SLC24A3: variants seen among roughly 807,000 people sequenced by gnomAD.
The protein encoded by SLC24A3 is solute carrier family 24 member 3.
A neutral mutation model predicts 75.8 loss-of-function variants in SLC24A3; 28 were observed. The ratio of observed to expected loss-of-function variants is 0.37; its 90% CI spans 0.27 to 0.51. SLC24A3 has a LOEUF of 0.51. SLC24A3 is among the 20% of genes least tolerant of loss of function. The pLI is 0.94. For missense variants in SLC24A3, 663 were observed against 847.8 expected, an observed-to-expected ratio of 0.78 and a Z score of 2.71; for synonymous variants, 372 against 334.1, an observed-to-expected ratio of 1.11 and a Z score of -1.24.
chr20:19,446,741 T>G (rs887322513), intron 2 of SLC24A3, among the ~76,000 whole-genome samples: 1 of 152,208 alleles, frequency 6.6e-6, no homozygotes, highest in African/African-American at 2.4e-5. Context: ...CTTCTCCAAA[T>G]TTAGAGTGAC....
At chr20:19,353,404 G>A (rs6514997) in intron 2 of SLC24A3, among the ~76,000 whole-genome samples, 17,192 of 152,040 alleles carry the variant, frequency 0.11, 2,610 homozygotes, top group African/African-American at 0.35. Flanking sequence ...AATAGTCTTG[G>A]GCCATTCAGT....
intron 2 of SLC24A3, among the ~76,000 whole-genome samples, chr20:19,291,269 C>G (rs1273871427): frequency 1.3e-5 from 2 of 152,176 alleles, no homozygotes; most frequent in Non-Finnish European, 2.9e-5. Context: ...GGCCTGGTCT[C>G]TCTCCCCAAA....
chr20:19,325,613 T>C (rs901164071), intron 2 of SLC24A3, among the ~76,000 whole-genome samples: 3 of 151,678 alleles, frequency 2.0e-5, no homozygotes, highest in Admixed American at 6.6e-5. Flanking sequence ...GGCCCTAGGA[T>C]GTCCAGGTTG....
At chr20:19,537,246 T>A (rs1291837515) in intron 3 of SLC24A3, among the ~76,000 whole-genome samples, 2 of 152,060 alleles carry the variant, frequency 1.3e-5, no homozygotes, top group African/African-American at 4.8e-5. Flanking sequence ...CAAAAGAAGA[T>A]ATTTATGCAG....
intron 6 of SLC24A3, among the ~76,000 whole-genome samples, chr20:19,648,963 C>G (rs11698840): frequency 0.048 from 7,264 of 152,294 alleles, 258 homozygotes; most frequent in African/African-American, 0.096. Flanking sequence ...CTTCTGTAAT[C>G]TGCACCATCT....
At chr20:19,553,002 C>T (rs561393644) in intron 3 of SLC24A3, among the ~76,000 whole-genome samples, 1 of 151,832 alleles carries the variant, frequency 6.6e-6, no homozygotes, top group East Asian at 1.9e-4. Context: ...GCCTTTCCCT[C>T]GTTCCCTCCA....
In SLC24A3 at chr20:19,488,998, G is replaced by A. The variant is rs1260992910; in HGVS notation, c.272-26490G>A. On this transcript the variant is annotated intron_variant, in intron 2 of 16. Transcript: ENST00000328041. The stretch of plus-strand genomic sequence containing the variant: ...GATGTTCAACCTGTAGATTATTTAA[G>A]TTGTATTTACTGAGATCAGTCACAG... Among the ~76,000 whole-genome samples, 7 of 152,194 alleles carry A rather than the reference G, an allele frequency of 4.6e-5. No individual in the cohort carries two copies. The East Asian group carries it at 5.8e-4, about 13-fold the overall frequency.
chr20:19,324,462 T>C (rs557328361), intron 2 of SLC24A3, among the ~76,000 whole-genome samples: 2 of 152,184 alleles, frequency 1.3e-5, no homozygotes, highest in Non-Finnish European at 2.9e-5. Flanking sequence ...GAGTGGGAAG[T>C]TCTGCTTTTA....
chr20:19,653,635 G>A (rs2032232340), intron 6 of SLC24A3, among the ~76,000 whole-genome samples: 1 of 152,156 alleles, frequency 6.6e-6, no homozygotes, highest in African/African-American at 2.4e-5. Flanking sequence ...TGTCAAGGCA[G>A]GCCCGTTCCT....
intron 6 of SLC24A3, among the ~76,000 whole-genome samples, chr20:19,636,106 C>T (rs1227401816): frequency 1.3e-5 from 2 of 152,092 alleles, no homozygotes; most frequent in East Asian, 3.9e-4. Context: ...TGCCACTGCA[C>T]TTCAGCCTGG....
chr20:19,508,090 G>A (rs1988485978), intron 2 of SLC24A3, among the ~76,000 whole-genome samples: 1 of 152,200 alleles, frequency 6.6e-6, no homozygotes, highest in South Asian at 2.1e-4. Flanking sequence ...CAGAAAGAGA[G>A]GCAGGGAAGG....
chr20:19,370,954 G>A (rs1275530790), intron 2 of SLC24A3, among the ~76,000 whole-genome samples: 1 of 152,182 alleles, frequency 6.6e-6, no homozygotes, highest in East Asian at 1.9e-4. Flanking sequence ...ATTGGAAGAT[G>A]ATGAAATGGA....
intron 2 of SLC24A3, among the ~76,000 whole-genome samples, chr20:19,321,058 T>A (rs1984696064): frequency 6.6e-6 from 1 of 151,994 alleles, no homozygotes; most frequent in African/African-American, 2.4e-5. Context: ...GAATTTGGAA[T>A]CCACAGATAT....
In SLC24A3 at chr20:19,528,890, T is replaced by C. The variant is rs114638346; in HGVS notation, c.348+13326T>C. Among the ~76,000 whole-genome samples, 501 of 152,300 alleles carry C rather than the reference T, an allele frequency of 3.3e-3. 1 individual carries two copies. The highest frequency in any genetic ancestry group is 0.011 in the African/African-American group (473 of 41,570). Reference sequence around the variant, plus strand: ...TGATTGTGGGCCTCTCATTCTCTCCTGGACCCAAGCCCAAATTCATTGGAT... The same window carrying C: ...TGATTGTGGGCCTCTCATTCTCTCCCGGACCCAAGCCCAAATTCATTGGAT... On this transcript the variant is annotated intron_variant, in intron 3 of 16. Coordinates refer to ENST00000328041, the MANE Select transcript of SLC24A3 (RefSeq NM_020689.4).
chr20:19,455,038 G>A (rs1205801926), intron 2 of SLC24A3, among the ~76,000 whole-genome samples: 1 of 152,024 alleles, frequency 6.6e-6, no homozygotes, highest in Non-Finnish European at 1.5e-5. Context: ...TTATCAGCAA[G>A]GCAGACTTTT....
At chr20:19,234,475 T>C (rs1270612670) in intron 1 of SLC24A3, among the ~76,000 whole-genome samples, 1 of 152,224 alleles carries the variant, frequency 6.6e-6, no homozygotes, top group Admixed American at 6.5e-5. Flanking sequence ...AATGCCAAGA[T>C]TGAGACCCTT....
chr20:19,585,152 A>T, intron 5 of SLC24A3, 97 bp downstream of exon 5: 1 of 1,087,976 alleles, frequency 9.2e-7, no homozygotes, highest in Non-Finnish European at 1.3e-6. Flanking sequence ...TCTGCCACTC[A>T]TAGAAAATGA....
intron 12 of SLC24A3, among the ~76,000 whole-genome samples, chr20:19,689,633 C>G (rs1237254283): frequency 6.6e-6 from 1 of 152,222 alleles, no homozygotes; most frequent in African/African-American, 2.4e-5. Context: ...CCTTGTTGCT[C>G]TATTTTGACC....
rs187117836 is a variant in SLC24A3, at chr20:19,365,712, A to G, written c.271+84625A>G. On this transcript the variant is annotated intron_variant, in intron 2 of 16. Transcript: ENST00000328041. The stretch of plus-strand genomic sequence containing the variant: ...ATGTCTATGGTTCATTTCAATGGCT[A>G]TGACTGTTGTCTGTGGAGGGTAGAG... 5.3e-5 allele frequency among the ~76,000 whole-genome samples: 8 copies of G among 152,250 alleles called. No individual in the cohort carries two copies. In the East Asian group the frequency reaches 1.4e-3, roughly 26 times the overall value.
Sources: allele counts gnomAD v4.1 joint callset (sites outside exome capture counted in the v4.1 genomes callset), GRCh38; gene constraint gnomAD v4.1.1; transcripts MANE v1.5; gene names NCBI Gene and HGNC (gene_info 2026-07-23, HGNC 2026-07-21).